Variants in VPS45 observed in about 807,000 individuals in gnomAD.
VPS45 encodes the protein vacuolar protein sorting 45 homolog.
VPS45 carries 35 observed loss-of-function variants against 75.9 expected under a neutral mutation model. The ratio of observed to expected loss-of-function variants is 0.46; its 90% confidence interval spans 0.35 to 0.61. The LOEUF (loss-of-function observed/expected upper bound fraction) is 0.61. Ranked by LOEUF, VPS45 falls within the 20% of genes least tolerant of loss-of-function variation. VPS45 has a pLI of 0.00. For missense variants in VPS45, 559 were observed against 685.9 expected, an observed-to-expected ratio of 0.81 and a Z score of 2.07; for synonymous variants, 220 against 238.2, an observed-to-expected ratio of 0.92 and a Z score of 0.70.
At chr1:150,137,915 CA>C (rs61104098) in intron 14 of VPS45, among the ~76,000 whole-genome samples, 10,509 of 91,786 alleles carry the variant, frequency 0.11, 195 homozygotes, top group Non-Finnish European at 0.15. Context: ...ACTCCGTCTC[CA>C]AAAAAAAAAA....
At chr1:150,121,148 C>A (rs961864162) in intron 14 of VPS45, among the ~76,000 whole-genome samples, 1 of 151,944 alleles carries the variant, frequency 6.6e-6, no homozygotes, top group South Asian at 2.1e-4. Context: ...AGCCACCATG[C>A]CCTGCCCTCC....
chr1:150,092,244 T>G (rs1656362237), intron 11 of VPS45, 58 bp from the exon 12 acceptor site: 2 of 1,557,144 alleles, frequency 1.3e-6, no homozygotes, highest in African/African-American at 1.4e-5. Flanking sequence ...AATTATTTTC[T>G]TATGAAATGG....
chr1:150,119,969 G>A (rs782446616), intron 14 of VPS45, among the ~76,000 whole-genome samples: 6 of 152,292 alleles, frequency 3.9e-5, no homozygotes, highest in African/African-American at 1.2e-4. Context: ...TTAGCCAGGC[G>A]TGGTGGCACA....
At chr1:150,105,057 CA>C (rs1261684084) in intron 13 of VPS45, among the ~76,000 whole-genome samples, 153 of 152,336 alleles carry the variant, frequency 1.0e-3, no homozygotes, top group African/African-American at 3.5e-3. Flanking sequence ...TTCCAACCAA[CA>C]GTATATGAGC....
At chr1:150,138,633 G>A (rs1220857494) in intron 14 of VPS45, among the ~76,000 whole-genome samples, 6 of 152,016 alleles carry the variant, frequency 3.9e-5, no homozygotes, top group African/African-American at 7.3e-5. Context: ...CAGTTATGAC[G>A]AGGAAAAACA....
chr1:150,074,797 A>G (rs2101507691), intron 3 of VPS45, among the ~76,000 whole-genome samples: 1 of 152,248 alleles, frequency 6.6e-6, no homozygotes, highest in Admixed American at 6.5e-5. Flanking sequence ...ACTGTCACCT[A>G]CTTCTCCAGC....
At chr1:150,137,333 T>C (rs942140988) in intron 14 of VPS45, among the ~76,000 whole-genome samples, 2 of 152,212 alleles carry the variant, frequency 1.3e-5, no homozygotes, top group Admixed American at 6.5e-5. Context: ...ATCTGAATCA[T>C]GTTCATTTGG....
At chr1:150,130,198 C>CTTTTTTTTT (rs34302545) in intron 14 of VPS45, among the ~76,000 whole-genome samples, 9 of 86,338 alleles carry the variant, frequency 1.0e-4, no homozygotes, top group African/African-American at 1.5e-4. Flanking sequence ...CACACACACA[C>CTTTTTTTTT]TTTTTTTTTT....
intron 13 of VPS45, among the ~76,000 whole-genome samples, chr1:150,107,730 GT>G (rs1348522440): frequency 2.0e-5 from 3 of 152,052 alleles, no homozygotes; most frequent in African/African-American, 7.2e-5. Flanking sequence ...GTGAAACCTC[GT>G]CTCTATTAAA....
At chr1:150,085,511 G>A (rs1655957469) in intron 10 of VPS45, among the ~76,000 whole-genome samples, 1 of 152,054 alleles carries the variant, frequency 6.6e-6, no homozygotes, top group African/African-American at 2.4e-5. Context: ...TTTACAGTGA[G>A]CAGTTGATTT....
chr1:150,128,503 G>A (rs112106540), intron 14 of VPS45, among the ~76,000 whole-genome samples: 3 of 151,964 alleles, frequency 2.0e-5, no homozygotes, highest in African/African-American at 7.3e-5. Flanking sequence ...GCTGGTAGGG[G>A]GCTGATTCAA....
chr1:150,142,443 G>A (rs1659439885), intron 14 of VPS45, among the ~76,000 whole-genome samples: 10 of 152,294 alleles, frequency 6.6e-5, no homozygotes, highest in Admixed American at 5.2e-4. Context: ...TTTCCATAGA[G>A]GAACAAATGA....
intron 7 of VPS45, among the ~76,000 whole-genome samples, chr1:150,078,953 T>C (rs1289463556): frequency 3.3e-5 from 5 of 150,650 alleles, no homozygotes; most frequent in African/African-American, 4.9e-5. Context: ...CTACTAAAAA[T>C]ACAAAAAATT....
chr1:150,088,256 A>G (rs982346798), intron 10 of VPS45, among the ~76,000 whole-genome samples: 1 of 151,916 alleles, frequency 6.6e-6, no homozygotes, highest in African/African-American at 2.4e-5. Context: ...GGTAACTGCT[A>G]TTCTGCTCTC....
intron 14 of VPS45, among the ~76,000 whole-genome samples, chr1:150,116,420 T>C (rs1045967122): frequency 6.6e-6 from 1 of 152,084 alleles, no homozygotes; most frequent in African/African-American, 2.4e-5. Flanking sequence ...TTAAATCTAT[T>C]AATTCATTGA....
intron 2 of VPS45, among the ~76,000 whole-genome samples, chr1:150,069,054 G>A (rs1166407101): frequency 3.3e-5 from 5 of 152,110 alleles, no homozygotes; most frequent in South Asian, 2.1e-4. Context: ...ATTAACCTCC[G>A]TATCTGTCAC....
intron 13 of VPS45, among the ~76,000 whole-genome samples, chr1:150,101,770 G>A (rs587741613): frequency 2.2e-4 from 33 of 151,838 alleles, no homozygotes; most frequent in Non-Finnish European, 2.8e-4. Context: ...AGAACCTGGC[G>A]AGGCTGCAGA....
At chr1:150,079,831 T>G (rs113237415) in intron 7 of VPS45, among the ~76,000 whole-genome samples, 2,005 of 152,328 alleles carry the variant, frequency 0.013, 41 homozygotes, top group African/African-American at 0.042. Flanking sequence ...AAAATAGCCT[T>G]GTATTCCTAA....
chr1:150,108,873 C>G (rs1657479149), intron 13 of VPS45, among the ~76,000 whole-genome samples: 1 of 152,160 alleles, frequency 6.6e-6, no homozygotes, highest in Non-Finnish European at 1.5e-5. Flanking sequence ...CACTGCTCAC[C>G]TCCTGCTGTG....
Sources: allele counts gnomAD v4.1 joint callset (sites outside exome capture counted in the v4.1 genomes callset), GRCh38; gene constraint gnomAD v4.1.1; transcripts MANE v1.5; gene names NCBI Gene and HGNC (gene_info 2026-07-23, HGNC 2026-07-21).